The following NCAPD2 variants were observed in gnomAD, a reference collection of about 807,000 sequenced individuals.
NCAPD2 encodes condensin complex subunit 1.
NCAPD2 carries 100 observed loss-of-function variants against 164.5 expected under a neutral mutation model. The observed-to-expected ratio is 0.61, with a 90% CI of 0.52 to 0.72. The LOEUF is 0.72. Among genes scored for constraint, NCAPD2 ranks in the 30% least tolerant of loss-of-function variants. The probability of loss-of-function intolerance (pLI) is 0.00; values close to 1 mark genes in which losing one functional copy is unlikely to be tolerated. For synonymous variants in NCAPD2, 585 were observed against 642.6 expected, an observed-to-expected ratio of 0.91 and a Z score of 1.36; for missense variants, 1,560 against 1,749.2, an observed-to-expected ratio of 0.89 and a Z score of 1.93.
chr12:6,517,324 T>C, intron 10 of NCAPD2, 41 bp from the exon 11 acceptor site: 1 of 1,603,552 alleles, frequency 6.2e-7, no homozygotes, highest in Admixed American at 1.7e-5. Context: ...AAATGGATGA[T>C]GTGGGACTTG....
At position 6,528,459 on chromosome 12, in the gene NCAPD2, T is replaced by C. The variant is rs1306551217; in HGVS notation, c.3299+131T>C. On this transcript the variant is annotated intron_variant, in intron 25 of 31. Coordinates refer to ENST00000315579, the MANE Select transcript of NCAPD2 (RefSeq NM_014865.4). The surrounding 1 kb of genome is among the most constrained non-coding windows in gnomAD (Gnocchi z 5.1). ...GCGAACATCTGCTTGATACTTGACC[T>C]GTACAGGCCCCTGGCTAAGAGTCAC... 2 of 1,315,916 alleles carry C rather than the reference T, an allele frequency of 1.5e-6. No homozygotes were observed. The highest frequency in any genetic ancestry group is 2.3e-5 in the East Asian group (1 of 43,166). 81.5% of individuals were successfully genotyped at this position (1,315,916 alleles called of 1,614,324 possible). A position where few individuals can be genotyped will look rare whatever the true frequency, so the allele number is the denominator to read the frequency against.
At chr12:6,523,656 C>G (rs1946289208) in intron 17 of NCAPD2, among the ~76,000 whole-genome samples, 1 of 152,216 alleles carries the variant, frequency 6.6e-6, no homozygotes, top group Non-Finnish European at 1.5e-5. Flanking sequence ...CTCAACCTCC[C>G]AGAGTGCTGG....
Position 6,514,927 on chromosome 12 carries a change from G to A in NCAPD2, c.987+7G>A, listed in dbSNP as rs1475826811. 3 of 1,613,990 alleles carry A rather than the reference G, an allele frequency of 1.9e-6. No individual in the cohort carries two copies. The highest frequency in any genetic ancestry group is 2.5e-6 in the Non-Finnish European group (3 of 1,180,002). On this transcript the variant is annotated splice_region_variant and intron_variant, in intron 9 of 31. Transcript: ENST00000315579. Reference sequence around the variant, plus strand: ...AGATCACCTGGATGGAGAAGTAGGTGGTCCACTAGGGGTCACTGAGCTTTT... The same window carrying A: ...AGATCACCTGGATGGAGAAGTAGGTAGTCCACTAGGGGTCACTGAGCTTTT...
intron 13 of NCAPD2, among the ~76,000 whole-genome samples, chr12:6,520,657 T>A (rs1262305269): frequency 6.6e-6 from 1 of 152,224 alleles, no homozygotes; most frequent in Admixed American, 6.5e-5. Flanking sequence ...GTTTCTAAAC[T>A]TAGGAAAGTT....
chr12:6,526,772 T>A, intron 21 of NCAPD2, 119 bp from the exon 22 acceptor site: 1 of 1,425,194 alleles, frequency 7.0e-7, no homozygotes, highest in Non-Finnish European at 9.6e-7. Context: ...CCCCAACTCT[T>A]ACTACTTCAC....
At position 6,530,697 on chromosome 12, in the gene NCAPD2, A is replaced by G. The variant is rs1347078774; in HGVS notation, c.3844A>G (p.Ile1282Val). Reference sequence around the variant, plus strand: ...TCTCCTTTTCTCCCTCCAGGCTATAATAGATGAATTTGAGCAGAAGCTTCG... The same window carrying G: ...TCTCCTTTTCTCCCTCCAGGCTATAGTAGATGAATTTGAGCAGAAGCTTCG... The part of the protein sequence containing the change: ...RGAKPEGKAI[I>V]DEFEQKLRAC... Residue 1282 changes from isoleucine (I) to valine (V), a missense_variant, in exon 30 of 32, where the codon ATA becomes GTA. Coordinates refer to ENST00000315579, the MANE Select transcript of NCAPD2 (RefSeq NM_014865.4). 6.2e-7 allele frequency: 1 copy of G among 1,614,112 alleles called. No homozygotes were observed. The highest frequency in any genetic ancestry group is 1.1e-5 in the South Asian group (1 of 91,086).
At position 6,522,017 on chromosome 12, in the gene NCAPD2, T is replaced by C. The variant is rs1309692830; in HGVS notation, c.1934T>C (p.Met645Thr). The C allele has an allele frequency of 1.2e-6, 2 of 1,614,060 alleles. No individual in the cohort carries two copies. The highest frequency in any genetic ancestry group is 1.3e-5 in the African/African-American group (1 of 74,938). The change falls in exon 15 of 32, where the codon ATG becomes ACG. Residue 645 changes from methionine to threonine, a missense_variant. Met to Thr is a moderately conservative substitution (Grantham distance 81). Coordinates refer to ENST00000315579, the MANE Select transcript of NCAPD2 (RefSeq NM_014865.4). ...TEAIGIISKMMYENTTTVVQE... is the reference protein window; with the variant it reads ...TEAIGIISKMTYENTTTVVQE... ...GCCATTGGCATCATCAGCAAGATGA[T>C]GTATGAAAACACAACTACAGGTATG... is the stretch of plus-strand genomic sequence containing the variant.
At chr12:6,510,833 C>T (rs766199993) in intron 5 of NCAPD2, 23 bp downstream of exon 5, 47 of 1,611,824 alleles carry the variant, frequency 2.9e-5, no homozygotes, top group South Asian at 1.1e-4. Context: ...TTTGGGCTCA[C>T]GTTATATGGG....
chr12:6,508,971 G>A (rs1290812548), intron 2 of NCAPD2, among the ~76,000 whole-genome samples: 1 of 152,158 alleles, frequency 6.6e-6, no homozygotes, highest in Non-Finnish European at 1.5e-5. Context: ...CTTCAAAGAA[G>A]TGTCAAGATG....
In NCAPD2 at chr12:6,529,497, T is replaced by C; in HGVS notation, c.3573-16T>C. ...GGCCCTGGGCCATCGAACATCCTCA[T>C]CTCCCCTTCCTGCAGACAGCTCCTC... On this transcript the variant is annotated splice_polypyrimidine_tract_variant and intron_variant, in intron 27 of 31. Coordinates refer to ENST00000315579, the MANE Select transcript of NCAPD2 (RefSeq NM_014865.4). 1 of 1,612,218 alleles carries C rather than the reference T, an allele frequency of 6.2e-7. No homozygotes were observed. Among genetic ancestry groups the C allele is most frequent in the Non-Finnish European group, 8.5e-7 (1 of 1,178,458 alleles).
At chr12:6,510,929 A>G (rs1331172597) in intron 5 of NCAPD2, 119 bp downstream of exon 5, 6 of 1,350,448 alleles carry the variant, frequency 4.4e-6, no homozygotes, top group Non-Finnish European at 6.1e-6. Context: ...ATTTAGGAGA[A>G]AGAACTCAAA....
chr12:6,525,990 A>C, intron 18 of NCAPD2, 78 bp from the exon 19 acceptor site: 7 of 1,549,780 alleles, frequency 4.5e-6, no homozygotes, highest in Non-Finnish European at 6.1e-6. Context: ...AGGTGCTGGT[A>C]CCTACCCCTA....
At chr12:6,503,317 G>T (rs1946056256) in intron 2 of NCAPD2, among the ~76,000 whole-genome samples, 1 of 266 alleles carries the variant, frequency 3.8e-3, no homozygotes, top group Admixed American at 0.038. Flanking sequence ...TATTTATAAT[G>T]AAAGAAATTT....
At chr12:6,522,158 TC>T in intron 15 of NCAPD2, 121 bp downstream of exon 15, 2 of 1,128,444 alleles carry the variant, frequency 1.8e-6, no homozygotes, top group East Asian at 5.2e-5. Context: ...GGTCTCCAAC[TC>T]CTGGGCTCAG....
chr12:6,497,595 G>C (rs1223060526), intron 2 of NCAPD2, among the ~76,000 whole-genome samples: 1 of 151,592 alleles, frequency 6.6e-6, no homozygotes, highest in Non-Finnish European at 1.5e-5. Flanking sequence ...CCCTGCAAAG[G>C]ACATGATCTT....
chr12:6,511,428 G>A (rs966690646), intron 6 of NCAPD2, among the ~76,000 whole-genome samples, 176 bp downstream of exon 6: 2 of 152,046 alleles, frequency 1.3e-5, no homozygotes, highest in East Asian at 1.9e-4. Flanking sequence ...TACCTCCTGG[G>A]TTCAAGCAAT....
In NCAPD2 at chr12:6,526,604, A is replaced by T. The variant is rs2137059779; in HGVS notation, c.2723A>T (p.Gln908Leu). 6 of 1,613,606 alleles carry T rather than the reference A, an allele frequency of 3.7e-6. No individual in the cohort carries two copies. In the Middle Eastern group the frequency reaches 6.6e-4, roughly 178 times the overall value. ...AAGCTAGAAGAGAAGAGAACCAGTC[A>T]GGAGGACCCGAGTAAGTGGGCAGGG... ...LEKLEEKRTS[Q>L]EDPKESPAML... The change falls in exon 21 of 32, where the codon CAG becomes CTG. Residue 908 changes from glutamine to leucine, a missense_variant. Gln to Leu is a moderately radical substitution (Grantham distance 113). Coordinates refer to ENST00000315579, the MANE Select transcript of NCAPD2 (RefSeq NM_014865.4).
intron 17 of NCAPD2, among the ~76,000 whole-genome samples, chr12:6,524,273 G>A (rs1472310631): frequency 6.6e-6 from 1 of 152,104 alleles, no homozygotes; most frequent in Non-Finnish European, 1.5e-5. Flanking sequence ...CAAGGAGGGA[G>A]GGCATTTCAA....
intron 4 of NCAPD2, chr12:6,510,426 TGG>T: frequency 7.6e-6 from 6 of 792,388 alleles, no homozygotes; most frequent in Non-Finnish European, 1.4e-5. Flanking sequence ...AGAGAAATTG[TGG>T]TAACTGGAGT....
Sources: allele counts gnomAD v4.1 joint callset (sites outside exome capture counted in the v4.1 genomes callset), GRCh38; gene constraint gnomAD v4.1.1; non-coding constraint Gnocchi (gnomAD v3.1); transcripts MANE v1.5; gene names NCBI Gene and HGNC (gene_info 2026-07-23, HGNC 2026-07-21).